Variants in ITGB2 observed in about 807,000 individuals in gnomAD.
ITGB2 encodes the protein integrin beta-2.
A neutral mutation model predicts 86.8 loss-of-function variants in ITGB2; 56 were observed. The ratio of observed to expected loss-of-function variants is 0.65; its 90% CI spans 0.52 to 0.81. ITGB2 has a LOEUF of 0.81. Ranked by LOEUF, ITGB2 falls within the 30% of genes least tolerant of loss-of-function variation. The pLI, the probability that ITGB2 is intolerant of heterozygous loss-of-function variation, is 0.00. For missense variants in ITGB2, 948 were observed against 1,061.2 expected, an observed-to-expected ratio of 0.89 and a Z score of 1.48; for synonymous variants, 457 against 450.4, an observed-to-expected ratio of 1.01 and a Z score of -0.19.
In ITGB2 at chr21:44,900,372, T is replaced by A; in HGVS notation, c.845A>T (p.Asn282Ile). 1 of 1,614,110 alleles carries A rather than the reference T, an allele frequency of 6.2e-7. No individual in the cohort carries two copies. The highest frequency in any genetic ancestry group is 8.5e-7 in the Non-Finnish European group (1 of 1,179,998). Residue 282 changes from asparagine (N) to isoleucine (I), a missense_variant, in exon 7 of 16, where the codon AAC becomes ATC. By Grantham distance (149) the Asn-to-Ile change is moderately radical (BLOSUM62 -3). Coordinates refer to ENST00000652462, the MANE Select transcript of ITGB2 (RefSeq NM_000211.5). ...DGKLGAILTP[N>I]DGRCHLEDNL... ...GTCCTCCAGGTGACAGCGGCCGTCG[T>A]TGGGGGTCAGGATGGCGCCCAGCTT... is the stretch of plus-strand genomic sequence containing the variant.
At chr21:44,901,182 A>G (rs2083950940) in intron 6 of ITGB2, among the ~76,000 whole-genome samples, 1 of 152,182 alleles carries the variant, frequency 6.6e-6, no homozygotes, top group South Asian at 2.1e-4. Context: ...CCTGCTGCCT[A>G]GCGGCCCTGT....
chr21:44,907,185 G>T, intron 3 of ITGB2, 90 bp from the exon 4 acceptor site: 1 of 938,298 alleles, frequency 1.1e-6, no homozygotes, highest in Non-Finnish European at 1.6e-6. Flanking sequence ...GACCCACCCT[G>T]TCCCCTCCTC....
rs372695770 is a variant in ITGB2, at chr21:44,890,143, G to C, written c.1492C>G (p.Arg498Gly). ...CAGATGATGGAGTTGTTGTCCTTCC[G>C]GCAGCTTCCTTCCAGCTCCTGGCTG... ...RSSQELEGSC[R>G]KDNNSIICSG... Residue 498 changes from arginine to glycine, a missense_variant, in exon 12 of 16, where the codon CGG becomes GGG. By Grantham distance (125) the Arg-to-Gly change is moderately radical (BLOSUM62 -2). Transcript: ENST00000652462. 61 of 1,613,314 alleles carry C rather than the reference G, an allele frequency of 3.8e-5. No individual in the cohort carries two copies. Among genetic ancestry groups the C allele is most frequent in the Non-Finnish European group, 4.8e-5 (57 of 1,180,024 alleles).
chr21:44,917,875 C>A (rs1378858024), intron 1 of ITGB2, among the ~76,000 whole-genome samples: 1 of 152,222 alleles, frequency 6.6e-6, no homozygotes, highest in Non-Finnish European at 1.5e-5. Flanking sequence ...CCCTGAATGG[C>A]CGGAGAGAAC....
Position 44,903,460 on chromosome 21 carries a change from A to G in ITGB2, c.404T>C (p.Leu135Pro). The G allele has an allele frequency of 6.2e-7, 1 of 1,614,010 alleles. No individual in the cohort carries two copies. The highest frequency in any genetic ancestry group is 8.5e-7 in the Non-Finnish European group (1 of 1,179,960). Residue 135 changes from leucine to proline, a missense_variant, in exon 5 of 16, where the codon CTC (leucine) becomes CCC (proline). By Grantham distance (98) the Leu-to-Pro change is moderately conservative. Transcript: ENST00000652462. ...YPIDLYYLMDLSYSMLDDLRN... is the reference protein window; with the variant it reads ...YPIDLYYLMDPSYSMLDDLRN... Reference sequence around the variant, plus strand: ...GAGGTCATCAAGCATGGAGTAGGAGAGGTCCATCAGATAGTACAGGTCGAT... The same window carrying G: ...GAGGTCATCAAGCATGGAGTAGGAGGGGTCCATCAGATAGTACAGGTCGAT...
At chr21:44,910,644 T>G (rs780177498) in intron 2 of ITGB2, 81 bp downstream of exon 2, 1 of 1,537,574 alleles carries the variant, frequency 6.5e-7, no homozygotes, top group South Asian at 1.2e-5. Flanking sequence ...AACTTCTGTC[T>G]ATGGGAAAGT....
chr21:44,894,819 C>T (rs2083839934), intron 9 of ITGB2, 152 bp downstream of exon 9: 2 of 694,460 alleles, frequency 2.9e-6, no homozygotes, highest in Non-Finnish European at 5.3e-6. Flanking sequence ...GTCCTGGAGG[C>T]CTGAGGGCAG....
chr21:44,891,901 C>T lies in ITGB2; in HGVS notation c.1320G>A (p.Gln440=). The change falls in exon 11 of 16, where the codon CAG becomes CAA. Residue 440 remains glutamine (Q), a synonymous_variant. Transcript: ENST00000652462. ...ALGFTDIVTV[Q]VLPQCECRCR... ...ACCGGCACTCACACTGGGGAAGAAC[C>T]TGCACGGTCACTATGTCCGTGAAGC... The T allele has an allele frequency of 6.2e-7, 1 of 1,613,268 alleles. No homozygotes were observed.
intron 8 of ITGB2, among the ~76,000 whole-genome samples, chr21:44,897,918 G>A (rs1042846491): frequency 5.9e-5 from 9 of 152,136 alleles, no homozygotes; most frequent in African/African-American, 1.7e-4. Context: ...TCCTTCTAGC[G>A]AATCCCTGTT....
At chr21:44,907,837 G>A (rs1232085360) in intron 3 of ITGB2, 9 of 543,278 alleles carry the variant, frequency 1.7e-5, no homozygotes, top group Admixed American at 1.3e-4. Flanking sequence ...AGGGGAGGGC[G>A]ACAGTCCCCA....
intron 14 of ITGB2, 79 bp from the exon 15 acceptor site, chr21:44,886,981 C>T (rs1384800243): frequency 1.3e-6 from 2 of 1,555,716 alleles, no homozygotes; most frequent in Middle Eastern, 1.7e-4. Context: ...CGAGGTCACC[C>T]CACAACACAG....
chr21:44,894,680 C>G (rs911024362), intron 9 of ITGB2: 5 of 456,280 alleles, frequency 1.1e-5, no homozygotes, highest in African/African-American at 2.0e-5. Flanking sequence ...CTGTCCACCT[C>G]CCTTCTCCAT....
In ITGB2 at chr21:44,890,073, G is replaced by C; in HGVS notation, c.1562C>G (p.Thr521Ser). The C allele has an allele frequency of 1.9e-6, 3 of 1,613,484 alleles. No individual in the cohort carries two copies. The highest frequency in any genetic ancestry group is 2.5e-6 in the Non-Finnish European group (3 of 1,180,016). Residue 521 changes from threonine (T) to serine (S), a missense_variant, in exon 12 of 16, where the codon ACC becomes AGC. Transcript: ENST00000652462. ...DCVCGQCLCH[T>S]SDVPGKLIYG... Reference sequence around the variant, plus strand: ...TATCAGCTTGCCGGGGACGTCGCTGGTGTGGCACAGGCACTGCCCGCAGAC... The same window carrying C: ...TATCAGCTTGCCGGGGACGTCGCTGCTGTGGCACAGGCACTGCCCGCAGAC...
At chr21:44,888,961 G>T (rs2083741631) in intron 13 of ITGB2, 66 bp from the exon 14 acceptor site, 2 of 1,493,766 alleles carry the variant, frequency 1.3e-6, no homozygotes, top group African/African-American at 1.4e-5. Flanking sequence ...GGGGGCTCGG[G>T]CTTGGGTGTG....
rs1160263 is a variant in ITGB2 at position 44,886,223 on chromosome 21, G to T, written c.*145C>A. 139,659 of 802,898 alleles carry T rather than the reference G, an allele frequency of 0.17. 13,567 individuals carry two copies. Among genetic ancestry groups the T allele is most frequent in the South Asian group, 0.26 (18,634 of 70,550 alleles). The allele number at this position is 802,898 out of a possible 1,614,324, so 49.7% of individuals were successfully genotyped here. A position where few individuals can be genotyped will look rare whatever the true frequency, so the allele number is the denominator to read the frequency against. On this transcript the variant is annotated 3_prime_UTR_variant, in exon 16 of 16. Coordinates refer to ENST00000652462, the MANE Select transcript of ITGB2 (RefSeq NM_000211.5). ...GACGAGCCCCCAGAAGCACCCGGCC[G>T]GCCATGGCTGTCATTTTGAGGGCGG...
chr21:44,903,252 G>A, intron 5 of ITGB2, 113 bp downstream of exon 5: 2 of 1,367,054 alleles, frequency 1.5e-6, no homozygotes, highest in African/African-American at 1.4e-5. Context: ...CTGCATCTGG[G>A]GCCCCCAGAT....
At chr21:44,917,236 T>G (rs2084225260) in intron 1 of ITGB2, among the ~76,000 whole-genome samples, 1 of 151,856 alleles carries the variant, frequency 6.6e-6, no homozygotes, top group Non-Finnish European at 1.5e-5. Flanking sequence ...CGCTATGGAG[T>G]CCCACACAGC....
intron 1 of ITGB2, among the ~76,000 whole-genome samples, chr21:44,919,732 C>G (rs1465842894): frequency 6.6e-6 from 1 of 152,226 alleles, no homozygotes; most frequent in Non-Finnish European, 1.5e-5. Flanking sequence ...TGCCACCCCT[C>G]CTTCTCCCCA....
Position 44,885,998 on chromosome 21 carries a change from C to A in ITGB2, c.*370G>T, listed in dbSNP as rs117989670. ...TGAAGTTTTATTTTTTTTCTATACACGTGATTGATTAACAATATAATTAAT... is the reference window on the plus strand; with the variant it reads ...TGAAGTTTTATTTTTTTTCTATACAAGTGATTGATTAACAATATAATTAAT... On this transcript the variant is annotated 3_prime_UTR_variant, in exon 16 of 16. Coordinates refer to ENST00000652462, the MANE Select transcript of ITGB2 (RefSeq NM_000211.5). 0.011 allele frequency: 3,655 copies of A among 330,750 alleles called. 35 individuals carry two copies. Among genetic ancestry groups the A allele is most frequent in the Non-Finnish European group, 0.016 (2,754 of 171,116 alleles). 20.5% of individuals were successfully genotyped at this position (330,750 alleles called of 1,614,324 possible).
Sources: allele counts gnomAD v4.1 joint callset (sites outside exome capture counted in the v4.1 genomes callset), GRCh38; gene constraint gnomAD v4.1.1; transcripts MANE v1.5; gene names NCBI Gene and HGNC (gene_info 2026-07-23, HGNC 2026-07-21).